SLC6A2: variants seen among roughly 807,000 people sequenced by gnomAD.
SLC6A2 encodes sodium-dependent noradrenaline transporter.
SLC6A2 carries 26 observed loss-of-function variants against 71.7 expected under a neutral mutation model. The observed-to-expected ratio is 0.36, with a 90% CI of 0.27 to 0.50. The LOEUF (loss-of-function observed/expected upper bound fraction) is 0.50, where lower values mean the gene tolerates loss of function less well. SLC6A2 is among the 20% of genes least tolerant of loss of function. The pLI, the probability that SLC6A2 is intolerant of heterozygous loss-of-function variation, is 0.96. For missense variants in SLC6A2, 581 were observed against 803.9 expected (o/e 0.72, Z 3.35); for synonymous variants, 363 against 337.9 (o/e 1.07, Z -0.82).
At position 55,681,735 on chromosome 16, in the gene SLC6A2, G is replaced by A. The variant is rs13333505; in HGVS notation, c.645-3408G>A. Among the ~76,000 whole-genome samples, 1,420 of 152,260 alleles carry A rather than the reference G, an allele frequency of 9.3e-3. 23 individuals carry two copies. Among genetic ancestry groups the A allele is most frequent in the African/African-American group, 0.033 (1,352 of 41,556 alleles). ...AGCCTGGAATCTTCCTGCATCATTCGGGATGATTCCAGCAAGGGCTGTCAT... is the reference window on the plus strand; with the variant it reads ...AGCCTGGAATCTTCCTGCATCATTCAGGATGATTCCAGCAAGGGCTGTCAT... On this transcript the variant is annotated intron_variant, in intron 4 of 14. Transcript: ENST00000568943.
In SLC6A2 at chr16:55,656,839, C is replaced by A. The variant is rs764328025; in HGVS notation, c.145C>A (p.Arg49Ser). ...CGGCGTCCAGTGCCTGCTGGCGCCC[C>A]GCGACGGCGACGCGCAGCCCCGGGA... ...RNGVQCLLAP[R>S]DGDAQPRETW... The change falls in exon 2 of 15, where the codon CGC becomes AGC. Residue 49 changes from arginine (R) to serine (S), a missense_variant. Around this residue, in one of 5 missense-constraint regions of SLC6A2, gnomAD observed 76 missense variants for 79.9 expected, o/e 0.95. Transcript: ENST00000568943. The surrounding 1 kb of genome is among the most constrained non-coding windows in gnomAD (Gnocchi z 4.5). The A allele has an allele frequency of 1.9e-5, 31 of 1,613,490 alleles. No individual in the cohort carries two copies. The highest frequency in any genetic ancestry group is 2.5e-5 in the Non-Finnish European group (29 of 1,179,814).
intron 5 of SLC6A2, among the ~76,000 whole-genome samples, chr16:55,691,233 GAGAGAGA>G (rs1567451204): frequency 8.7e-3 from 31 of 3,570 alleles, no homozygotes; most frequent in Non-Finnish European, 0.013. Context: ...GAGAGGGGGA[GAGAGAGA>G]GAGAGAGAGA....
intron 2 of SLC6A2, among the ~76,000 whole-genome samples, chr16:55,659,052 A>C (rs1375862207): frequency 2.6e-5 from 4 of 152,102 alleles, no homozygotes; most frequent in African/African-American, 9.7e-5. Flanking sequence ...ACCGCCCCAG[A>C]CTGCTTGTCT....
At chr16:55,698,288 T>C (rs1199815123) in intron 10 of SLC6A2, among the ~76,000 whole-genome samples, 181 bp from the exon 11 acceptor site, 1 of 152,160 alleles carries the variant, frequency 6.6e-6, no homozygotes, top group Non-Finnish European at 1.5e-5. Flanking sequence ...TCTAACTCTT[T>C]ATTGGCTGAA....
intron 3 of SLC6A2, 193 bp from the exon 4 acceptor site, chr16:55,671,745 C>A: frequency 8.1e-7 from 1 of 1,236,504 alleles, no homozygotes; most frequent in Non-Finnish European, 1.1e-6. Context: ...TTGAAACTAC[C>A]CCCACCCCAA....
intron 4 of SLC6A2, among the ~76,000 whole-genome samples, chr16:55,674,722 G>A (rs540132855): frequency 6.6e-6 from 1 of 152,278 alleles, no homozygotes; most frequent in Non-Finnish European, 1.5e-5. Flanking sequence ...ATTGCACCCG[G>A]CCACCACATT....
At chr16:55,676,176 T>C (rs749174749) in intron 4 of SLC6A2, among the ~76,000 whole-genome samples, 46 of 152,188 alleles carry the variant, frequency 3.0e-4, no homozygotes, top group Non-Finnish European at 6.0e-4. Context: ...GCAGTTGTCG[T>C]CAAATTCTCA....
intron 4 of SLC6A2, among the ~76,000 whole-genome samples, chr16:55,677,225 G>T (rs2142532223): frequency 6.6e-6 from 1 of 152,226 alleles, no homozygotes. Context: ...TGCAGGTGGG[G>T]GTTTTAGGCC....
chr16:55,676,552 C>T (rs1965095221), intron 4 of SLC6A2, among the ~76,000 whole-genome samples: 1 of 152,226 alleles, frequency 6.6e-6, no homozygotes, highest in Non-Finnish European at 1.5e-5. Flanking sequence ...TACTTCTCCT[C>T]ACTCTAACCC....
At chr16:55,677,982 C>T (rs564560470) in intron 4 of SLC6A2, among the ~76,000 whole-genome samples, 2 of 152,266 alleles carry the variant, frequency 1.3e-5, no homozygotes, top group East Asian at 3.9e-4. Flanking sequence ...TTTTAGGAGC[C>T]TTCTGCCCTA....
intron 11 of SLC6A2, among the ~76,000 whole-genome samples, chr16:55,699,317 C>T (rs1159652461): frequency 1.3e-5 from 2 of 152,214 alleles, no homozygotes; most frequent in Admixed American, 1.3e-4. Context: ...CTCTTTGAGC[C>T]CAGGTTTCCC....
At position 55,656,597 on chromosome 16, in the gene SLC6A2, A is replaced by G. The variant is rs1336935418; in HGVS notation, c.-51-47A>G. 6.7e-7 allele frequency: 1 copy of G among 1,500,142 alleles called. No homozygotes were observed. Among genetic ancestry groups the G allele is most frequent in the Non-Finnish European group, 9.2e-7 (1 of 1,085,600 alleles). The allele number at this position is 1,500,142 out of a possible 1,614,324, so 92.9% of individuals were successfully genotyped here. ...CCGGGTGGTCTTGGGAGTTGCAAGT[A>G]GGGAGGAACGGCCGGGTAACCACCT... On this transcript the variant is annotated intron_variant, in intron 1 of 14. Coordinates refer to ENST00000568943, the MANE Select transcript of SLC6A2 (RefSeq NM_001172501.3). The surrounding 1 kb of genome is among the most constrained non-coding windows in gnomAD (Gnocchi z 4.5).
In SLC6A2 at chr16:55,703,339, T is replaced by C; in HGVS notation, c.*993T>C. 1.0e-6 allele frequency: 1 copy of C among 985,482 alleles called. No homozygotes were observed. Among genetic ancestry groups the C allele is most frequent in the Non-Finnish European group, 1.2e-6 (1 of 829,960 alleles). The allele number at this position is 985,482 out of a possible 1,614,324, so 61.0% of individuals were successfully genotyped here. A position where few individuals can be genotyped will look rare whatever the true frequency, so the allele number is the denominator to read the frequency against. ...GGCTGTTGTGTTAATTTATTGTTCT[T>C]GCACACCTGCACAGCCTCCCTCTGG... On this transcript the variant is annotated 3_prime_UTR_variant, in exon 15 of 15. Transcript: ENST00000568943.
At chr16:55,671,527 G>A (rs1405846267) in intron 3 of SLC6A2, 3 of 363,028 alleles carry the variant, frequency 8.3e-6, no homozygotes, top group Non-Finnish European at 1.5e-5. Context: ...GGTGAGCAGC[G>A]GGTAAGTGAA....
At chr16:55,702,189 G>A in intron 14 of SLC6A2, 134 bp from the exon 15 acceptor site, 1 of 941,470 alleles carries the variant, frequency 1.1e-6, no homozygotes, top group Non-Finnish European at 1.8e-6. Flanking sequence ...GAATCAACTT[G>A]CACGTTCCCT....
At chr16:55,667,789 A>T (rs1448689469) in intron 2 of SLC6A2, among the ~76,000 whole-genome samples, 4 of 97,856 alleles carry the variant, frequency 4.1e-5, no homozygotes, top group African/African-American at 9.1e-5. Context: ...GATCCTATTC[A>T]GACTCATGTC....
intron 10 of SLC6A2, 98 bp from the exon 11 acceptor site, chr16:55,698,371 C>T: frequency 2.3e-6 from 2 of 876,676 alleles, no homozygotes; most frequent in Admixed American, 3.6e-5. Flanking sequence ...GAGCTCCGAG[C>T]AAGTGGGACA....
chr16:55,700,426 C>T (rs762361330), intron 13 of SLC6A2, 120 bp downstream of exon 13: 51 of 806,346 alleles, frequency 6.3e-5, no homozygotes, highest in Non-Finnish European at 8.3e-5. Flanking sequence ...TAGGGTCAAA[C>T]GGACCCACCT....
Position 55,656,883 on chromosome 16 carries a change from C to A in SLC6A2, c.189C>A (p.Ile63=). Residue 63 remains isoleucine, a synonymous_variant, in exon 2 of 15, where the codon ATC becomes ATA. Coordinates refer to ENST00000568943, the MANE Select transcript of SLC6A2 (RefSeq NM_001172501.3). The surrounding 1 kb of genome is among the most constrained non-coding windows in gnomAD (Gnocchi z 4.5). ...CCCGGGAGACCTGGGGCAAGAAGAT[C>A]GACTTCCTGCTGTCCGTAGTCGGCT... The part of the protein sequence containing the change: ...AQPRETWGKK[I]DFLLSVVGFA... 2 of 1,614,026 alleles carry A rather than the reference C, an allele frequency of 1.2e-6. No individual in the cohort carries two copies. Among genetic ancestry groups the A allele is most frequent in the Non-Finnish European group, 1.7e-6 (2 of 1,179,940 alleles).
Sources: gnomAD v4.1 joint callset for allele counts (sites outside exome capture counted in the v4.1 genomes callset) on GRCh38, gnomAD v4.1.1 for gene constraint, gnomAD v4.1.1 regional missense constraint, Gnocchi (gnomAD v3.1) non-coding constraint, MANE v1.5 for transcripts, NCBI Gene and HGNC (gene_info 2026-07-23, HGNC 2026-07-21) for gene names.